Variants in WNT5B observed in about 807,000 individuals in gnomAD.
The protein encoded by WNT5B is protein Wnt-5b.
In WNT5B, 18 loss-of-function variants were observed where a neutral mutation model predicts 36.5. That is an observed-to-expected ratio of 0.49 (90% confidence interval 0.34 to 0.73). WNT5B has a LOEUF of 0.73. Ranked by LOEUF, WNT5B falls within the 30% of genes least tolerant of loss-of-function variation. The pLI is 0.01. For synonymous variants in WNT5B, 213 were observed against 212.3 expected (o/e 1.00, Z -0.03); for missense variants, 424 against 508.4 (o/e 0.83, Z 1.60).
intron 3 of WNT5B, among the ~76,000 whole-genome samples, chr12:1,638,134 T>C (rs1401138980): frequency 1.3e-5 from 2 of 152,052 alleles, no homozygotes; most frequent in African/African-American, 4.8e-5. Flanking sequence ...TGTAGTCCCA[T>C]ATACCGGAGG....
At chr12:1,626,337 C>G (rs183528734), upstream of WNT5B, among the ~76,000 whole-genome samples, 421 of 151,640 alleles carry the variant, frequency 2.8e-3, 1 homozygote, top group African/African-American at 9.9e-3. Flanking sequence ...AGTCTCAGCT[C>G]ACTGCAACCT....
chr12:1,632,637 C>G lies in WNT5B; in HGVS notation c.81-21C>G. 1 of 1,581,264 alleles carries G rather than the reference C, an allele frequency of 6.3e-7. No homozygotes were observed. The highest frequency in any genetic ancestry group is 8.6e-7 in the Non-Finnish European group (1 of 1,157,616). ...GCTCACTCCTGGGCCTTTTTTTCCC[C>G]TTTCTGGATTGCTGTCCTAGGTCAT... On this transcript the variant is annotated intron_variant, in intron 2 of 4. Coordinates refer to ENST00000397196, the MANE Select transcript of WNT5B (RefSeq NM_032642.3). This position sits in a 1 kb window ranked among gnomAD's most constrained non-coding sequence, Gnocchi z 5.8.
Position 1,621,085 on chromosome 12 carries a change from T to C in WNT5B, c.-58+3942T>C, listed in dbSNP as rs181021745. 9.0e-4 allele frequency among the ~76,000 whole-genome samples: 118 copies of C among 131,098 alleles called. 1 individual carries two copies. The East Asian group carries it at 0.014, about 15-fold the overall frequency. 86.0% of individuals were successfully genotyped at this position (131,098 alleles called of 152,430 possible). A position where few individuals can be genotyped will look rare whatever the true frequency, so the allele number is the denominator to read the frequency against. The stretch of plus-strand genomic sequence containing the variant: ...AAGAATGGGACATAAGATATTGCAA[T>C]TTGTTAGAGAAAAAGAGGTCAATTA... On this transcript the variant is annotated intron_variant, in intron 1 of 4. Coordinates refer to the WNT5B transcript ENST00000310594.
upstream of WNT5B, among the ~76,000 whole-genome samples, chr12:1,624,399 AAAGAG>A (rs2094538364): frequency 6.8e-6 from 1 of 146,052 alleles, no homozygotes; most frequent in African/African-American, 2.7e-5. Context: ...AAAAAAAAAA[AAAGAG>A]AAAGCAGAGA....
At chr12:1,631,247 G>A in intron 1 of WNT5B, 51 bp from the exon 2 acceptor site, 1 of 1,529,346 alleles carries the variant, frequency 6.5e-7, no homozygotes. Context: ...CTCCTGGTCT[G>A]CCCTTATCCG....
intron 3 of WNT5B, among the ~76,000 whole-genome samples, chr12:1,636,542 C>CTTT (rs55956039): frequency 2.7e-5 from 2 of 75,130 alleles, no homozygotes; most frequent in African/African-American, 1.1e-4. Context: ...TATATATATA[C>CTTT]TTTTTTTTTT....
At chr12:1,638,547 G>C (rs1381540144) in intron 3 of WNT5B, among the ~76,000 whole-genome samples, 1 of 152,194 alleles carries the variant, frequency 6.6e-6, no homozygotes, top group Non-Finnish European at 1.5e-5. Flanking sequence ...ATTTGGGCTT[G>C]CATGTCCCTG....
rs762843288 is a variant in WNT5B at position 1,646,256 on chromosome 12, G to C, written c.*4G>C. 1 of 1,603,208 alleles carries C rather than the reference G, an allele frequency of 6.2e-7. No individual in the cohort carries two copies. The highest frequency in any genetic ancestry group is 1.7e-5 in the Admixed American group (1 of 59,490). ...GGACCAGTACATCTGTAAATAGCCCGGAGGGCCTGCTCCCGGCCCCCCTGC... is the reference window on the plus strand; with the variant it reads ...GGACCAGTACATCTGTAAATAGCCCCGAGGGCCTGCTCCCGGCCCCCCTGC... On this transcript the variant is annotated 3_prime_UTR_variant, in exon 5 of 5. Coordinates refer to ENST00000397196, the MANE Select transcript of WNT5B (RefSeq NM_032642.3).
In WNT5B at chr12:1,632,722, A is replaced by G. The variant is rs1413958488; in HGVS notation, c.145A>G (p.Ser49Gly). Residue 49 changes from serine (S) to glycine (G), a missense_variant, in exon 3 of 5, where the codon AGT becomes GGT. Ser to Gly is a moderately conservative substitution (Grantham distance 56). Coordinates refer to ENST00000397196, the MANE Select transcript of WNT5B (RefSeq NM_032642.3). The surrounding 1 kb of genome is among the most constrained non-coding windows in gnomAD (Gnocchi z 5.8). ...TATCATCGGTGCCCAGCCCGTGTGC[A>G]GTCAGCTTCCCGGGCTCTCCCCTGG... is the stretch of plus-strand genomic sequence containing the variant. Reference protein sequence around the residue: ...MFIIGAQPVCSQLPGLSPGQR... With the variant: ...MFIIGAQPVCGQLPGLSPGQR... The G allele has an allele frequency of 6.2e-7, 1 of 1,613,648 alleles. No homozygotes were observed. The highest frequency in any genetic ancestry group is 1.7e-5 in the Admixed American group (1 of 59,992).
At chr12:1,624,136 C>T (rs1269596487) in intron 1 of WNT5B, among the ~76,000 whole-genome samples, 1 of 152,136 alleles carries the variant, frequency 6.6e-6, no homozygotes, top group African/African-American at 2.4e-5. Flanking sequence ...CCTGTAATCC[C>T]AGCACTTTGG....
rs1246854333 is a variant in WNT5B, at chr12:1,639,901, G to C, written c.546G>C (p.Glu182Asp). 3 of 1,613,972 alleles carry C rather than the reference G, an allele frequency of 1.9e-6. No homozygotes were observed. Among genetic ancestry groups the C allele is most frequent in the Non-Finnish European group, 2.5e-6 (3 of 1,179,984 alleles). ...AGTTTGTGGATGCCCGGGAGCGAGAGAAGAACTTTGCCAAAGGATCAGAGG... is the reference window on the plus strand; with the variant it reads ...AGTTTGTGGATGCCCGGGAGCGAGACAAGAACTTTGCCAAAGGATCAGAGG... ...AKEFVDARER[E>D]KNFAKGSEEQ... The change falls in exon 4 of 5, where the codon GAG (glutamate) becomes GAC (aspartate). Residue 182 changes from glutamate (E) to aspartate (D), a missense_variant. By Grantham distance (45) the Glu-to-Asp change is conservative. Coordinates refer to ENST00000397196, the MANE Select transcript of WNT5B (RefSeq NM_032642.3).
chr12:1,645,796 T>C lies in WNT5B; in HGVS notation c.624T>C (p.Ala208=). The C allele has an allele frequency of 6.4e-7, 1 of 1,574,286 alleles. No individual in the cohort carries two copies. Among genetic ancestry groups the C allele is most frequent in the Non-Finnish European group, 8.6e-7 (1 of 1,157,766 alleles). ...CTGCCTTCTTTCTCTTCCCCTAGGCTGTGTATAAGATGGCAGACGTAGCCT... is the reference window on the plus strand; with the variant it reads ...CTGCCTTCTTTCTCTTCCCCTAGGCCGTGTATAAGATGGCAGACGTAGCCT... ...NLQNNEAGRR[A]VYKMADVACK... is the part of the protein sequence containing the mutation. Residue 208 remains alanine, a splice_region_variant and synonymous_variant, in exon 5 of 5, where the codon GCT becomes GCC. Transcript: ENST00000397196.
chr12:1,632,097 A>G lies in WNT5B; in HGVS notation c.81-561A>G, dbSNP rs1298552308. 1.3e-5 allele frequency among the ~76,000 whole-genome samples: 2 copies of G among 152,196 alleles called. No individual in the cohort carries two copies. The highest frequency in any genetic ancestry group is 2.9e-5 in the Non-Finnish European group (2 of 68,032). ...GAGACATGGCAGTGAAAACAAGTAG[A>G]CTAGATCGTGATGTATGTAAAGTGA... On this transcript the variant is annotated intron_variant, in intron 2 of 4. Transcript: ENST00000397196. The surrounding 1 kb of genome is among the most constrained non-coding windows in gnomAD (Gnocchi z 5.8).
rs762959465 is a variant in WNT5B at position 1,645,874 on chromosome 12, G to T, written c.702G>T (p.Gln234His). 15 of 1,611,354 alleles carry T rather than the reference G, an allele frequency of 9.3e-6. No individual in the cohort carries two copies. The highest frequency in any genetic ancestry group is 1.2e-5 in the Non-Finnish European group (14 of 1,179,432). Residue 234 changes from glutamine to histidine, a missense_variant, in exon 5 of 5, where the codon CAG (glutamine) becomes CAT (histidine). Transcript: ENST00000397196. ...GSCSLKTCWL[Q>H]LAEFRKVGDR... ...GCAGCCTCAAGACCTGCTGGCTGCA[G>T]CTGGCCGAGTTCCGCAAGGTCGGGG...
intron 3 of WNT5B, among the ~76,000 whole-genome samples, chr12:1,639,438 G>A (rs1207067323): frequency 1.3e-5 from 2 of 152,130 alleles, no homozygotes; most frequent in Non-Finnish European, 2.9e-5. Context: ...CGCCGGGCCA[G>A]GGACTTGTTT....
rs1286284531 is a variant in WNT5B, at chr12:1,630,381, G to A, written c.-57-917G>A. 6.6e-6 allele frequency among the ~76,000 whole-genome samples: 1 copy of A among 152,202 alleles called. No individual in the cohort carries two copies. The highest frequency in any genetic ancestry group is 2.4e-5 in the African/African-American group (1 of 41,458). ...CGGGTCCCAGGGCCTGGGGACAGGGGCTCTCGGGGGCGGATAGAGGAACAG... is the reference window on the plus strand; with the variant it reads ...CGGGTCCCAGGGCCTGGGGACAGGGACTCTCGGGGGCGGATAGAGGAACAG... On this transcript the variant is annotated intron_variant, in intron 1 of 4. Transcript: ENST00000397196. This position sits in a 1 kb window ranked among gnomAD's most constrained non-coding sequence, Gnocchi z 5.3.
chr12:1,630,490 C>T lies in WNT5B; in HGVS notation c.-57-808C>T, dbSNP rs1047944192. On this transcript the variant is annotated intron_variant, in intron 1 of 4. Coordinates refer to ENST00000397196, the MANE Select transcript of WNT5B (RefSeq NM_032642.3). This position sits in a 1 kb window ranked among gnomAD's most constrained non-coding sequence, Gnocchi z 5.3. Reference sequence around the variant, plus strand: ...GGGCTGTGGCATCTGGAAGATGCGTCCTCAGCTCAGGCATTTGATGCCAGA... The same window carrying T: ...GGGCTGTGGCATCTGGAAGATGCGTTCTCAGCTCAGGCATTTGATGCCAGA... Among the ~76,000 whole-genome samples the T allele has an allele frequency of 2.0e-5, 3 of 152,156 alleles. No homozygotes were observed. Among genetic ancestry groups the T allele is most frequent in the Non-Finnish European group, 4.4e-5 (3 of 68,022 alleles).
upstream of WNT5B, among the ~76,000 whole-genome samples, chr12:1,624,614 T>C (rs2094538629): frequency 6.6e-6 from 1 of 152,196 alleles, no homozygotes; most frequent in Non-Finnish European, 1.5e-5. Flanking sequence ...TGTGAAACAT[T>C]TAGTGCAGTG....
chr12:1,624,377 CAAAAAAAA>C (rs34209948), upstream of WNT5B, among the ~76,000 whole-genome samples: 990 of 78,290 alleles, frequency 0.013, 13 homozygotes, highest in African/African-American at 0.048. Context: ...GACTCTGTCT[CAAAAAAAA>C]AAAAAAAAAA....
Sources: allele counts gnomAD v4.1 joint callset (sites outside exome capture counted in the v4.1 genomes callset), GRCh38; gene constraint gnomAD v4.1.1; non-coding constraint Gnocchi (gnomAD v3.1); transcripts MANE v1.5; gene names NCBI Gene and HGNC (gene_info 2026-07-23, HGNC 2026-07-21).